FIGN: variants seen among roughly 807,000 people sequenced by gnomAD.
FIGN encodes the protein fidgetin, microtubule severing factor.
In FIGN, 11 loss-of-function variants were observed where a neutral mutation model predicts 51.3. The observed-to-expected ratio is 0.21, with a 90% CI of 0.13 to 0.35. The LOEUF (loss-of-function observed/expected upper bound fraction) is 0.35, where lower values mean the gene tolerates loss of function less well. Among genes scored for constraint, FIGN ranks in the 10% least tolerant of loss-of-function variants. The pLI, the probability that FIGN is intolerant of heterozygous loss-of-function variation, is 1.00. For synonymous variants in FIGN, 407 were observed against 363.2 expected (o/e 1.12, Z -1.37); for missense variants, 857 against 943.6 (o/e 0.91, Z 1.20).
At chr2:163,647,225 G>A (rs1174896418) in intron 2 of FIGN, among the ~76,000 whole-genome samples, 1 of 152,160 alleles carries the variant, frequency 6.6e-6, no homozygotes, top group African/African-American at 2.4e-5. Flanking sequence ...TGCCCCAGTG[G>A]AATGTAATTG....
At chr2:163,612,494 C>T in intron 2 of FIGN, 1 of 985,278 alleles carries the variant, frequency 1.0e-6, no homozygotes, top group African/African-American at 1.7e-5. Context: ...ATCTCCCAGG[C>T]AGCGCTCCAT....
rs1334793123 is a variant in FIGN, at chr2:163,607,760, C to T, written c.*1792G>A. The T allele has an allele frequency of 1.3e-5, 2 of 152,724 alleles. No homozygotes were observed. Among genetic ancestry groups the T allele is most frequent in the South Asian group, 2.1e-4 (1 of 4,830 alleles). The allele number at this position is 152,724 out of a possible 1,614,324, so 9.5% of individuals were successfully genotyped here. On this transcript the variant is annotated 3_prime_UTR_variant, in exon 3 of 3. Coordinates refer to ENST00000333129, the MANE Select transcript of FIGN (RefSeq NM_018086.4). ...AAAGGGGAAAAAACCCAGGAAAATACATTCAAAAGGCCAGGCTGTTCTGCT... is the reference window on the plus strand; with the variant it reads ...AAAGGGGAAAAAACCCAGGAAAATATATTCAAAAGGCCAGGCTGTTCTGCT...
At chr2:163,641,028 C>T (rs907644402) in intron 2 of FIGN, among the ~76,000 whole-genome samples, 1 of 152,192 alleles carries the variant, frequency 6.6e-6, no homozygotes, top group African/African-American at 2.4e-5. Flanking sequence ...CTGTCAGAGG[C>T]AGCTGATTAG....
intron 2 of FIGN, among the ~76,000 whole-genome samples, chr2:163,704,034 G>T (rs1042971972): frequency 6.6e-6 from 1 of 151,742 alleles, no homozygotes; most frequent in Non-Finnish European, 1.5e-5. Flanking sequence ...GTTTGGAAAA[G>T]GGGGAAAAAA....
intron 2 of FIGN, among the ~76,000 whole-genome samples, chr2:163,733,573 G>A (rs1684964899): frequency 6.6e-6 from 1 of 152,162 alleles, no homozygotes; most frequent in African/African-American, 2.4e-5. Context: ...AAAAAGCTGT[G>A]CTCTCTCCTC....
At chr2:163,660,827 A>G (rs1365761820) in intron 2 of FIGN, among the ~76,000 whole-genome samples, 1 of 49,070 alleles carries the variant, frequency 2.0e-5, no homozygotes, top group African/African-American at 7.3e-5. Flanking sequence ...ATACATATAT[A>G]TGTATACATA....
rs999210983 is a variant in FIGN, at chr2:163,606,889, T to A, written c.*2663A>T. ...TTGACCACTTGCATCTCAAATTAATTTTTAAGTCACTCAGAGTTCTAATTT... is the reference window on the plus strand; with the variant it reads ...TTGACCACTTGCATCTCAAATTAATATTTAAGTCACTCAGAGTTCTAATTT... On this transcript the variant is annotated 3_prime_UTR_variant, in exon 3 of 3. Transcript: ENST00000333129. 1 of 152,188 alleles carries A rather than the reference T, an allele frequency of 6.6e-6. No individual in the cohort carries two copies. The highest frequency in any genetic ancestry group is 1.5e-5 in the Non-Finnish European group (1 of 68,032). The allele number at this position is 152,188 out of a possible 1,614,324, so 9.4% of individuals were successfully genotyped here. A position where few individuals can be genotyped will look rare whatever the true frequency, so the allele number is the denominator to read the frequency against.
intron 2 of FIGN, among the ~76,000 whole-genome samples, chr2:163,630,981 TA>T (rs1471038442): frequency 1.3e-5 from 2 of 152,208 alleles, no homozygotes; most frequent in Non-Finnish European, 2.9e-5. Flanking sequence ...AAGAAATGAT[TA>T]AGTGACTGAG....
chr2:163,714,996 C>G (rs1684646838), intron 2 of FIGN, among the ~76,000 whole-genome samples: 1 of 152,214 alleles, frequency 6.6e-6, no homozygotes, highest in African/African-American at 2.4e-5. Flanking sequence ...AATGTCCATT[C>G]ATTGTGTGCT....
Position 163,609,804 on chromosome 2 carries a change from C to T in FIGN, c.2028G>A (p.Lys676=), listed in dbSNP as rs770163093. The stretch of plus-strand genomic sequence containing the variant: ...TGCGCTGGACGAGCAGTGCAAACTC[C>T]TTGTCATTGAGACAGTAATTGTGCT... ...LSQHNYCLND[K]EFALLVQRTE... The change falls in exon 3 of 3, where the codon AAG becomes AAA. Residue 676 remains lysine, a synonymous_variant. Coordinates refer to ENST00000333129, the MANE Select transcript of FIGN (RefSeq NM_018086.4). The T allele has an allele frequency of 3.5e-5, 56 of 1,614,162 alleles. No individual in the cohort carries two copies. Among genetic ancestry groups the T allele is most frequent in the Non-Finnish European group, 4.7e-5 (55 of 1,180,028 alleles).
intron 2 of FIGN, among the ~76,000 whole-genome samples, chr2:163,722,184 TTTAG>T (rs1489719282): frequency 6.6e-6 from 1 of 152,160 alleles, no homozygotes; most frequent in Non-Finnish European, 1.5e-5. Context: ...ATAGACACTA[TTTAG>T]TTAGATAAAG....
intron 2 of FIGN, among the ~76,000 whole-genome samples, chr2:163,711,126 A>G (rs1185445827): frequency 6.6e-6 from 1 of 152,220 alleles, no homozygotes; most frequent in Non-Finnish European, 1.5e-5. Context: ...CTGTATTAGA[A>G]GACGCTTGCA....
At chr2:163,647,928 G>C (rs1683408139) in intron 2 of FIGN, among the ~76,000 whole-genome samples, 1 of 152,144 alleles carries the variant, frequency 6.6e-6, no homozygotes, top group Non-Finnish European at 1.5e-5. Flanking sequence ...CTCAGAGACA[G>C]AGGATAGGAG....
intron 2 of FIGN, among the ~76,000 whole-genome samples, chr2:163,695,836 A>G (rs1684309900): frequency 6.6e-6 from 1 of 152,180 alleles, no homozygotes; most frequent in Non-Finnish European, 1.5e-5. Flanking sequence ...GGCCAGGCAC[A>G]TTGGCTCACG....
Position 163,681,079 on chromosome 2 carries a change from T to C in FIGN, c.25+53824A>G, listed in dbSNP as rs138655330. 1.9e-3 allele frequency among the ~76,000 whole-genome samples: 288 copies of C among 152,300 alleles called. 3 individuals are homozygous for C. Among genetic ancestry groups the C allele is most frequent in the African/African-American group, 6.6e-3 (275 of 41,580 alleles). ...GCAGAGAAGTTAAGTAACTTGCCCATGTTCACATATCAATTAAATTTTAGA... is the reference window on the plus strand; with the variant it reads ...GCAGAGAAGTTAAGTAACTTGCCCACGTTCACATATCAATTAAATTTTAGA... On this transcript the variant is annotated intron_variant, in intron 2 of 2. Transcript: ENST00000333129.
chr2:163,661,786 T>G (rs144108956), intron 2 of FIGN, among the ~76,000 whole-genome samples: 3,273 of 152,238 alleles, frequency 0.021, 101 homozygotes, highest in African/African-American at 0.07. Context: ...TTCTGCTTTT[T>G]CTTCTTCCTC....
Position 163,628,334 on chromosome 2 carries a change from C to T in FIGN, c.26-16528G>A, listed in dbSNP as rs546860299. Among the ~76,000 whole-genome samples, 46 of 152,242 alleles carry T rather than the reference C, an allele frequency of 3.0e-4. No individual in the cohort carries two copies. In the South Asian group the frequency reaches 9.1e-3, roughly 30 times the overall value. ...TTAGAATAGAGAGAGAGGAGGTTTCCTGCCCTTGACAAAAGTTGGTCAAAA... is the reference window on the plus strand; with the variant it reads ...TTAGAATAGAGAGAGAGGAGGTTTCTTGCCCTTGACAAAAGTTGGTCAAAA... On this transcript the variant is annotated intron_variant, in intron 2 of 2. Transcript: ENST00000333129.
intron 2 of FIGN, among the ~76,000 whole-genome samples, chr2:163,622,606 G>T (rs1475416110): frequency 1.3e-5 from 2 of 151,978 alleles, no homozygotes; most frequent in East Asian, 3.9e-4. Flanking sequence ...CTGTCACCCA[G>T]GCTGGAGCAT....
Position 163,604,442 on chromosome 2 carries a change from C to G in FIGN, c.*5110G>C, listed in dbSNP as rs1176273175. The G allele has an allele frequency of 6.6e-6, 1 of 151,980 alleles. No individual in the cohort carries two copies. The highest frequency in any genetic ancestry group is 1.5e-5 in the Non-Finnish European group (1 of 67,964). The allele number at this position is 151,980 out of a possible 1,614,324, so 9.4% of individuals were successfully genotyped here. A position where few individuals can be genotyped will look rare whatever the true frequency, so the allele number is the denominator to read the frequency against. On this transcript the variant is annotated 3_prime_UTR_variant, in exon 3 of 3. Coordinates refer to ENST00000333129, the MANE Select transcript of FIGN (RefSeq NM_018086.4). ...TTGTGTTATGAATACAATTAAAAGT[C>G]CATCAGTATCCCAAGTACTCGTGCA... is the stretch of plus-strand genomic sequence containing the variant.
Sources: allele counts gnomAD v4.1 joint callset (sites outside exome capture counted in the v4.1 genomes callset), GRCh38; gene constraint gnomAD v4.1.1; transcripts MANE v1.5; gene names NCBI Gene and HGNC (gene_info 2026-07-23, HGNC 2026-07-21).